SLCO1A2: variants seen among roughly 807,000 people sequenced by gnomAD.
The protein encoded by SLCO1A2 is solute carrier organic anion transporter family member 1A2.
SLCO1A2 carries 67 observed loss-of-function variants against 69.0 expected under a neutral mutation model. That is an observed-to-expected ratio of 0.97 (90% CI 0.80 to 1.19). The LOEUF (loss-of-function observed/expected upper bound fraction) is 1.19. SLCO1A2 is among the 50% of genes most tolerant of loss of function. The pLI is 0.00. For synonymous variants in SLCO1A2, 260 were observed against 265.9 expected, an observed-to-expected ratio of 0.98 and a Z score of 0.22; for missense variants, 787 against 793.7, an observed-to-expected ratio of 0.99 and a Z score of 0.10.
chr12:21,375,414 T>A (rs1034257769), intron 1 of SLCO1A2, among the ~76,000 whole-genome samples: 11 of 152,198 alleles, frequency 7.2e-5, no homozygotes, highest in African/African-American at 2.4e-4. Context: ...GGAAAATGTG[T>A]CAAATTTTAA....
chr12:21,381,124 G>A (rs1281747539), intron 1 of SLCO1A2, among the ~76,000 whole-genome samples: 1 of 152,020 alleles, frequency 6.6e-6, no homozygotes, highest in Non-Finnish European at 1.5e-5. Context: ...ACTGGTATAT[G>A]ATCCCAAAAA....
At chr12:21,333,568 AT>A (rs1161490386) in intron 2 of SLCO1A2, among the ~76,000 whole-genome samples, 2 of 152,134 alleles carry the variant, frequency 1.3e-5, no homozygotes, top group Admixed American at 6.6e-5. Context: ...TGCTTACAGC[AT>A]TTTGTCTTAA....
chr12:21,378,624 A>G (rs984599078), intron 1 of SLCO1A2: 14 of 524,890 alleles, frequency 2.7e-5, no homozygotes, highest in Admixed American at 3.2e-5. Context: ...ATCTTTTAAA[A>G]TGAAATGTTT....
intron 2 of SLCO1A2, among the ~76,000 whole-genome samples, chr12:21,360,524 G>A (rs547057096): frequency 3.0e-4 from 45 of 152,318 alleles, no homozygotes; most frequent in Middle Eastern, 3.4e-3. Context: ...TCCAACTGAG[G>A]TACCAGGTTC....
chr12:21,398,251 C>T (rs1239480063), upstream of SLCO1A2, among the ~76,000 whole-genome samples: 201 of 143,892 alleles, frequency 1.4e-3, 2 homozygotes, highest in Middle Eastern at 7.1e-3. Flanking sequence ...AACACCTCTA[C>T]GCAAATAAAC....
intron 14 of SLCO1A2, among the ~76,000 whole-genome samples, chr12:21,273,511 T>TCTGA (rs1943262045): frequency 6.6e-6 from 1 of 152,180 alleles, no homozygotes; most frequent in African/African-American, 2.4e-5. Flanking sequence ...CATTGACCAG[T>TCTGA]CTAATTGGTC....
intron 2 of SLCO1A2, among the ~76,000 whole-genome samples, chr12:21,355,557 A>T (rs543276289): frequency 6.6e-6 from 1 of 152,282 alleles, no homozygotes; most frequent in African/African-American, 2.4e-5. Context: ...AGCTGATGTG[A>T]GTTTCCTATA....
intron 8 of SLCO1A2, among the ~76,000 whole-genome samples, chr12:21,300,041 T>TATGTCTGTAC (rs1948499284): frequency 6.8e-6 from 1 of 147,576 alleles, no homozygotes; most frequent in African/African-American, 2.6e-5. Context: ...TGTGTATATA[T>TATGTCTGTAC]ATATGTGTGT....
chr12:21,302,272 C>T (rs1320649816), intron 6 of SLCO1A2, among the ~76,000 whole-genome samples: 1 of 152,118 alleles, frequency 6.6e-6, no homozygotes, highest in Non-Finnish European at 1.5e-5. Context: ...CTCTTTGTCA[C>T]TAATTTAGTG....
upstream of SLCO1A2, chr12:21,395,533 GGCCT>G (rs1433013725): frequency 6.6e-6 from 1 of 152,590 alleles, no homozygotes; most frequent in Non-Finnish European, 1.5e-5. Context: ...AGCTCAAGAA[GGCCT>G]GCCTGCCTCT....
At position 21,300,034 on chromosome 12, in the gene SLCO1A2, G is replaced by GTA. The variant is rs112757363; in HGVS notation, c.910+312_910+313dup. Among the ~76,000 whole-genome samples the GTA allele has an allele frequency of 7.8e-5, 11 of 141,672 alleles. No homozygotes were observed. The East Asian group carries it at 9.8e-4, about 13-fold the overall frequency. 92.9% of individuals were successfully genotyped at this position (141,672 alleles called of 152,430 possible). A position where few individuals can be genotyped will look rare whatever the true frequency, so the allele number is the denominator to read the frequency against. ...TACATATATATGTGTATATATGTGT[G>GTA]TATATATATATGTGTGTGTACATAT... On this transcript the variant is annotated intron_variant, in intron 8 of 14. Transcript: ENST00000683939.
At chr12:21,373,515 C>T (rs1220552144) in intron 2 of SLCO1A2, 3 of 904,996 alleles carry the variant, frequency 3.3e-6, no homozygotes, top group Non-Finnish European at 3.7e-6. Flanking sequence ...ATAACTACAG[C>T]CTTAGATTTC....
At chr12:21,360,478 G>T (rs1344239737) in intron 2 of SLCO1A2, among the ~76,000 whole-genome samples, 1 of 152,256 alleles carries the variant, frequency 6.6e-6, no homozygotes, top group Non-Finnish European at 1.5e-5. Context: ...GCAGCTCCCA[G>T]TGTGAAGGAC....
In SLCO1A2 at chr12:21,342,113, G is replaced by A. The variant is rs111590224; in HGVS notation, c.-62-7404C>T. 8.7e-4 allele frequency among the ~76,000 whole-genome samples: 132 copies of A among 152,084 alleles called. 3 individuals are homozygous for A. The highest frequency in any genetic ancestry group is 3.1e-3 in the African/African-American group (127 of 41,510). On this transcript the variant is annotated intron_variant, in intron 2 of 15. Coordinates refer to the SLCO1A2 transcript ENST00000307378. ...TTTATTTCTACCTCTAATGGACCAT[G>A]GCTAAAGGCAGGAAGCATAAAGAGC...
intron 1 of SLCO1A2, among the ~76,000 whole-genome samples, chr12:21,403,912 T>C (rs1271172625): frequency 6.6e-6 from 1 of 152,112 alleles, no homozygotes; most frequent in African/African-American, 2.4e-5. Flanking sequence ...GTTAATGTAC[T>C]CATTGAGTAA....
Position 21,297,558 on chromosome 12 carries a change from AG to A in SLCO1A2, c.920del (p.Pro307LeufsTer3). The A allele has an allele frequency of 3.2e-6, 5 of 1,571,086 alleles. No individual in the cohort carries two copies. Among genetic ancestry groups the A allele is most frequent in the Non-Finnish European group, 4.3e-6 (5 of 1,151,300 alleles). On this transcript the variant is annotated frameshift_variant, in exon 9 of 15. Transcript: ENST00000683939. LOFTEE classifies it high-confidence loss of function. ...GATTGCAGGAAAGACTTTTCATGAA[AG>A]GTAGAAAATCTGAAATGAAAGAATG... ...EKYGITKDFL[P>X]FMKSLSCNPI...
At chr12:21,315,027 A>T (rs562195617) in intron 3 of SLCO1A2, among the ~76,000 whole-genome samples, 1 of 152,266 alleles carries the variant, frequency 6.6e-6, no homozygotes, top group Non-Finnish European at 1.5e-5. Context: ...GGTTCAAAAG[A>T]AGGTGTCAGC....
upstream of SLCO1A2, among the ~76,000 whole-genome samples, chr12:21,398,150 G>A (rs1305723954): frequency 2.7e-5 from 4 of 148,232 alleles, no homozygotes; most frequent in African/African-American, 9.8e-5. Context: ...GAAAAAAAGA[G>A]AGAAGAATCA....
In SLCO1A2 at chr12:21,295,593, A is replaced by T; in HGVS notation, c.1271+4T>A. 1 of 1,542,346 alleles carries T rather than the reference A, an allele frequency of 6.5e-7. No individual in the cohort carries two copies. The highest frequency in any genetic ancestry group is 1.4e-5 in the African/African-American group (1 of 73,134). ...ATTCTCACATTCATTAGAAAACAAC[A>T]TACCCTTCATAAGAGGTATTTATTC... On this transcript the variant is annotated splice_donor_region_variant and intron_variant, in intron 10 of 14. Coordinates refer to ENST00000683939, the MANE Select transcript of SLCO1A2 (RefSeq NM_001386879.1).
Sources: gnomAD v4.1 joint callset for allele counts (sites outside exome capture counted in the v4.1 genomes callset) on GRCh38, gnomAD v4.1.1 for gene constraint, MANE v1.5 for transcripts, NCBI Gene and HGNC (gene_info 2026-07-23, HGNC 2026-07-21) for gene names.